The following RHOBTB1 variants were observed in gnomAD, a reference collection of about 807,000 sequenced individuals.
RHOBTB1 encodes the protein rho-related BTB domain-containing protein 1.
A neutral mutation model predicts 71.6 loss-of-function variants in RHOBTB1; 40 were observed. The ratio of observed to expected loss-of-function variants is 0.56; its 90% confidence interval spans 0.43 to 0.73. The LOEUF (loss-of-function observed/expected upper bound fraction) is 0.73, where lower values mean the gene tolerates loss of function less well. Ranked by LOEUF, RHOBTB1 falls within the 30% of genes least tolerant of loss-of-function variation. RHOBTB1 has a pLI of 0.00. For synonymous variants in RHOBTB1, 319 were observed against 334.9 expected (o/e 0.95, Z 0.52); for missense variants, 797 against 894.0 (o/e 0.89, Z 1.38).
At chr10:60,915,577 A>T (rs1449502440) in intron 2 of RHOBTB1, among the ~76,000 whole-genome samples, 1 of 152,238 alleles carries the variant, frequency 6.6e-6, no homozygotes, top group African/African-American at 2.4e-5. Flanking sequence ...CTTGCACAGT[A>T]TTCAGAAGTC....
At chr10:60,948,444 C>A (rs916807741), upstream of RHOBTB1, among the ~76,000 whole-genome samples, 1 of 151,248 alleles carries the variant, frequency 6.6e-6, no homozygotes, top group Non-Finnish European at 1.5e-5. Context: ...CACGTGTAGT[C>A]GAGGCTGAGC....
At chr10:60,865,163 G>A (rs985128728), downstream of RHOBTB1, among the ~76,000 whole-genome samples, 1 of 152,166 alleles carries the variant, frequency 6.6e-6, no homozygotes, top group South Asian at 2.1e-4. Flanking sequence ...CAGGAAACTA[G>A]GAGATAGGGA....
chr10:60,875,094 G>C (rs768740594), intron 8 of RHOBTB1, 52 bp from the exon 9 acceptor site: 2 of 1,399,430 alleles, frequency 1.4e-6, no homozygotes, highest in Admixed American at 3.3e-5. Flanking sequence ...CTGCGAGCCA[G>C]GTAGCTTGCC....
At chr10:60,913,593 G>T (rs1022745601) in intron 2 of RHOBTB1, among the ~76,000 whole-genome samples, 1 of 152,164 alleles carries the variant, frequency 6.6e-6, no homozygotes, top group Non-Finnish European at 1.5e-5. Context: ...AGGGAACACT[G>T]CAGTGTCTGG....
chr10:60,993,605 A>G (rs1347686200), intron 1 of RHOBTB1, among the ~76,000 whole-genome samples: 1 of 152,160 alleles, frequency 6.6e-6, no homozygotes. Context: ...AATCTCTCTC[A>G]TGGCCCTATC....
intron 2 of RHOBTB1, among the ~76,000 whole-genome samples, chr10:60,916,602 A>G (rs2083280480): frequency 6.6e-6 from 1 of 152,174 alleles, no homozygotes; most frequent in Non-Finnish European, 1.5e-5. Flanking sequence ...GTCCCTTTTG[A>G]ATGGATGATC....
intron 7 of RHOBTB1, 122 bp downstream of exon 7, chr10:60,885,990 G>T: frequency 1.4e-6 from 1 of 739,158 alleles, no homozygotes; most frequent in Non-Finnish European, 2.4e-6. Context: ...CTAACAGTAT[G>T]ATGACCACTC....
chr10:60,995,458 G>A (rs1430525152), intron 1 of RHOBTB1, among the ~76,000 whole-genome samples: 1 of 152,106 alleles, frequency 6.6e-6, no homozygotes, highest in Non-Finnish European at 1.5e-5. Flanking sequence ...AGGGAAACCT[G>A]GCTGCTTTGC....
intron 7 of RHOBTB1, among the ~76,000 whole-genome samples, chr10:60,879,858 G>A (rs2081234176): frequency 6.6e-6 from 1 of 151,896 alleles, no homozygotes; most frequent in Non-Finnish European, 1.5e-5. Context: ...CTCTATCTGT[G>A]GGTTCCACAT....
At chr10:60,949,903 C>T (rs1437023881) in intron 2 of RHOBTB1, among the ~76,000 whole-genome samples, 1 of 152,080 alleles carries the variant, frequency 6.6e-6, no homozygotes, top group Non-Finnish European at 1.5e-5. Context: ...TGAAAATAGA[C>T]CAAAAGGTAT....
At chr10:60,955,861 T>G (rs1330287925) in intron 2 of RHOBTB1, among the ~76,000 whole-genome samples, 3 of 152,206 alleles carry the variant, frequency 2.0e-5, no homozygotes, top group Non-Finnish European at 4.4e-5. Flanking sequence ...GATGAAGTAT[T>G]TTTCATTTAA....
intron 7 of RHOBTB1, 68 bp from the exon 8 acceptor site, chr10:60,878,126 G>A: frequency 1.6e-6 from 2 of 1,285,654 alleles, no homozygotes; most frequent in Non-Finnish European, 2.2e-6. Context: ...TTCAGGCTAT[G>A]CTGCTTATAA....
chr10:60,934,368 TA>T (rs1482191920), intron 2 of RHOBTB1, among the ~76,000 whole-genome samples: 1 of 152,206 alleles, frequency 6.6e-6, no homozygotes, highest in East Asian at 1.9e-4. Flanking sequence ...AAGGAACTAA[TA>T]CCTCAATAGG....
the RHOBTB1 span, among the ~76,000 whole-genome samples, chr10:60,863,962 T>A: frequency 1.3e-5 from 2 of 152,186 alleles, no homozygotes; most frequent in Non-Finnish European, 2.9e-5. Flanking sequence ...TTTCCCTGCC[T>A]CCGGCCTGAA....
At chr10:60,924,608 A>G (rs1004589036) in intron 2 of RHOBTB1, among the ~76,000 whole-genome samples, 12 of 152,312 alleles carry the variant, frequency 7.9e-5, no homozygotes, top group Non-Finnish European at 1.5e-4. Flanking sequence ...AAACCAAGAA[A>G]AAAACATCAG....
intron 2 of RHOBTB1, among the ~76,000 whole-genome samples, chr10:60,925,583 C>A (rs1186360853): frequency 6.6e-6 from 1 of 151,104 alleles, no homozygotes; most frequent in Admixed American, 6.6e-5. Context: ...AAGATCGGAG[C>A]AGAAATAAAT....
intron 7 of RHOBTB1, among the ~76,000 whole-genome samples, 182 bp from the exon 8 acceptor site, chr10:60,878,240 T>C (rs1363479037): frequency 1.3e-5 from 2 of 152,186 alleles, no homozygotes; most frequent in East Asian, 1.9e-4. Context: ...GTTTGATTTG[T>C]AGTTGACAAA....
Position 60,888,198 on chromosome 10 carries a change from C to G in RHOBTB1, c.1456+14G>C, listed in dbSNP as rs778223902. The G allele has an allele frequency of 8.4e-4, 1,352 of 1,607,568 alleles. No homozygotes were observed. Among genetic ancestry groups the G allele is most frequent in the Non-Finnish European group, 1.1e-3 (1,248 of 1,176,452 alleles). On this transcript the variant is annotated intron_variant, in intron 6 of 10. Coordinates refer to ENST00000337910, the MANE Select transcript of RHOBTB1 (RefSeq NM_014836.5). The stretch of plus-strand genomic sequence containing the variant: ...ATCAAAGGTATTAATGGCTCTGCCC[C>G]GCGGCCCACTCACCCGAGAACGTTC...
At chr10:60,897,771 A>G (rs1233769977) in intron 4 of RHOBTB1, among the ~76,000 whole-genome samples, 1 of 152,064 alleles carries the variant, frequency 6.6e-6, no homozygotes, top group African/African-American at 2.4e-5. Context: ...AAGTGGCTCA[A>G]TCTCGGCTCA....
Sources: gnomAD v4.1 joint callset for allele counts (sites outside exome capture counted in the v4.1 genomes callset) on GRCh38, gnomAD v4.1.1 for gene constraint, MANE v1.5 for transcripts, NCBI Gene and HGNC (gene_info 2026-07-23, HGNC 2026-07-21) for gene names.